AP1S3: variants seen among roughly 807,000 people sequenced by gnomAD.
AP1S3 encodes AP-1 complex subunit sigma-3.
In AP1S3, 10 loss-of-function variants were observed where a neutral mutation model predicts 20.9. That is an observed-to-expected ratio of 0.48 (90% CI 0.29 to 0.81). The LOEUF is 0.81. Among genes scored for constraint, AP1S3 ranks in the 30% least tolerant of loss-of-function variants. AP1S3 has a pLI of 0.08. For missense variants in AP1S3, 154 were observed against 183.8 expected (o/e 0.84, Z 0.94); for synonymous variants, 41 against 61.5 (o/e 0.67, Z 1.56).
chr2:223,832,135 C>G (rs11687312), intron 1 of AP1S3, among the ~76,000 whole-genome samples: 6,887 of 70,712 alleles, frequency 0.097, 487 homozygotes, highest in East Asian at 0.25. Flanking sequence ...AGTTTTCTCT[C>G]TGTGTGTGTG....
At chr2:223,832,135 CTGTGTGTGTGTGTG>C (rs774812162) in intron 1 of AP1S3, among the ~76,000 whole-genome samples, 68 of 70,784 alleles carry the variant, frequency 9.6e-4, no homozygotes, top group South Asian at 8.9e-3. Context: ...AGTTTTCTCT[CTGTGTGTGTGTGTG>C]TGTGTGTGTG....
intron 1 of AP1S3, among the ~76,000 whole-genome samples, chr2:223,806,086 C>T (rs1206776069): frequency 6.6e-6 from 1 of 152,086 alleles, no homozygotes; most frequent in Non-Finnish European, 1.5e-5. Context: ...AGAAAAACTG[C>T]ATACCTCTCT....
chr2:223,824,322 T>C (rs1410318383), intron 1 of AP1S3, among the ~76,000 whole-genome samples: 2 of 151,840 alleles, frequency 1.3e-5, no homozygotes, highest in Non-Finnish European at 2.9e-5. Context: ...TTTTTAAAGA[T>C]ACACAAAAAT....
chr2:223,782,686 TAAGCCCATATGA>T, intron 1 of AP1S3, among the ~76,000 whole-genome samples: 1 of 152,342 alleles, frequency 6.6e-6, no homozygotes, highest in East Asian at 1.9e-4. Flanking sequence ...ATACATCCAT[TAAGCCCATATGA>T]AATGCAAATA....
At chr2:223,803,418 TTTGCTTC>T (rs1488660263) in intron 1 of AP1S3, among the ~76,000 whole-genome samples, 5 of 152,194 alleles carry the variant, frequency 3.3e-5, no homozygotes, top group African/African-American at 1.2e-4. Flanking sequence ...GTAATTGCTT[TTTGCTTC>T]TTGCAACAAC....
chr2:223,761,862 C>A (rs1690362571), intron 4 of AP1S3, among the ~76,000 whole-genome samples: 2 of 151,618 alleles, frequency 1.3e-5, no homozygotes, highest in African/African-American at 4.8e-5. Context: ...CGCATCTGGC[C>A]TTGAGCCTCC....
intron 1 of AP1S3, among the ~76,000 whole-genome samples, chr2:223,790,222 T>C (rs1691182187): frequency 1.3e-5 from 2 of 150,100 alleles, no homozygotes; most frequent in South Asian, 4.2e-4. Context: ...AGAAAAGAAA[T>C]TGCCTCCAGT....
chr2:223,825,476 AGCTGAAG>A (rs2106129310), intron 1 of AP1S3, among the ~76,000 whole-genome samples: 1 of 152,154 alleles, frequency 6.6e-6, no homozygotes, highest in South Asian at 2.1e-4. Flanking sequence ...TTTTCTGAAG[AGCTGAAG>A]GCGGGGTCAT....
intron 1 of AP1S3, among the ~76,000 whole-genome samples, chr2:223,787,984 T>A (rs140935720): frequency 1.8e-3 from 276 of 151,906 alleles, no homozygotes; most frequent in African/African-American, 6.5e-3. Context: ...TGGGATGGGG[T>A]CTCACTCTGT....
At chr2:223,819,630 G>A (rs1574725844) in intron 1 of AP1S3, among the ~76,000 whole-genome samples, 1 of 148,264 alleles carries the variant, frequency 6.7e-6, no homozygotes, top group South Asian at 2.1e-4. Flanking sequence ...TCCTATCTTT[G>A]TGATTATCTA....
intron 1 of AP1S3, among the ~76,000 whole-genome samples, chr2:223,822,207 T>C (rs1027053901): frequency 6.6e-6 from 1 of 151,266 alleles, no homozygotes; most frequent in South Asian, 2.1e-4. Context: ...CTGGGCAATA[T>C]AGTGAGACCT....
At chr2:223,814,133 T>C (rs950978515) in intron 1 of AP1S3, among the ~76,000 whole-genome samples, 1 of 152,222 alleles carries the variant, frequency 6.6e-6, no homozygotes, top group Non-Finnish European at 1.5e-5. Flanking sequence ...TTTTTTAACA[T>C]ACCAGTGGCT....
chr2:223,780,926 G>T (rs1449699315), intron 1 of AP1S3, among the ~76,000 whole-genome samples: 1 of 151,704 alleles, frequency 6.6e-6, no homozygotes, highest in African/African-American at 2.4e-5. Context: ...TAGTTTCTCA[G>T]CCCTTGCCCC....
At chr2:223,794,346 CTG>C (rs1480290277) in intron 1 of AP1S3, among the ~76,000 whole-genome samples, 10 of 151,866 alleles carry the variant, frequency 6.6e-5, no homozygotes, top group African/African-American at 2.2e-4. Context: ...CAGAGAGACT[CTG>C]TGTCAAAAAA....
intron 1 of AP1S3, among the ~76,000 whole-genome samples, chr2:223,817,563 G>A (rs1008899214): frequency 3.5e-5 from 5 of 142,012 alleles, no homozygotes; most frequent in East Asian, 4.5e-4. Flanking sequence ...AGCCGAGATC[G>A]CACCATTGCA....
At chr2:223,799,517 T>C (rs910441254) in intron 1 of AP1S3, among the ~76,000 whole-genome samples, 3 of 152,238 alleles carry the variant, frequency 2.0e-5, no homozygotes, top group African/African-American at 4.8e-5. Flanking sequence ...GCTTTGAATT[T>C]TATGCCTTTT....
In AP1S3 at chr2:223,758,211, A is replaced by G. The variant is rs1420399228; in HGVS notation, c.*504T>C. Reference sequence around the variant, plus strand: ...GTATGTGAATTGCAGTTACAGTACTATTAAGTGTATGAAAAATGTCTAGCA... The same window carrying G: ...GTATGTGAATTGCAGTTACAGTACTGTTAAGTGTATGAAAAATGTCTAGCA... On this transcript the variant is annotated 3_prime_UTR_variant, in exon 5 of 5. Coordinates refer to ENST00000396654, the MANE Select transcript of AP1S3 (RefSeq NM_001039569.2). 2.0e-6 allele frequency: 2 copies of G among 979,376 alleles called. No individual in the cohort carries two copies. The highest frequency in any genetic ancestry group is 2.4e-6 in the Non-Finnish European group (2 of 824,090). The allele number at this position is 979,376 out of a possible 1,614,324, so 60.7% of individuals were successfully genotyped here. A position where few individuals can be genotyped will look rare whatever the true frequency, so the allele number is the denominator to read the frequency against.
At chr2:223,786,820 A>G (rs1169602295) in intron 1 of AP1S3, among the ~76,000 whole-genome samples, 2 of 152,064 alleles carry the variant, frequency 1.3e-5, no homozygotes, top group Non-Finnish European at 2.9e-5. Context: ...CAGGAGGATC[A>G]CTTGAACCCA....
At chr2:223,790,166 A>G (rs1251286789) in intron 1 of AP1S3, among the ~76,000 whole-genome samples, 1 of 152,126 alleles carries the variant, frequency 6.6e-6, no homozygotes, top group African/African-American at 2.4e-5. Flanking sequence ...CAAATTATCC[A>G]TCAAGAGACA....
Sources: gnomAD v4.1 joint callset for allele counts (sites outside exome capture counted in the v4.1 genomes callset) on GRCh38, gnomAD v4.1.1 for gene constraint, MANE v1.5 for transcripts, NCBI Gene and HGNC (gene_info 2026-07-23, HGNC 2026-07-21) for gene names.